VPS13B: variants seen among roughly 807,000 people sequenced by gnomAD.
The protein encoded by VPS13B is intermembrane lipid transfer protein VPS13B.
Under a neutral mutation model 426.4 loss-of-function variants are expected in VPS13B, and 285 were observed. The observed-to-expected ratio is 0.67, with a 90% confidence interval of 0.61 to 0.74. The LOEUF (loss-of-function observed/expected upper bound fraction) is 0.74, where lower values mean the gene tolerates loss of function less well. Among genes scored for constraint, VPS13B ranks in the 30% least tolerant of loss-of-function variants. The probability of loss-of-function intolerance (pLI) is 0.00; values close to 1 mark genes in which losing one functional copy is unlikely to be tolerated. For synonymous variants in VPS13B, 1,676 were observed against 1,676.4 expected (o/e 1.00, Z 0.01); for missense variants, 4,537 against 4,782.6 (o/e 0.95, Z 1.51).
intron 17 of VPS13B, among the ~76,000 whole-genome samples, chr8:99,203,786 G>A (rs1814503971): frequency 6.6e-6 from 1 of 152,096 alleles, no homozygotes; most frequent in South Asian, 2.1e-4. Flanking sequence ...AAAATACCTA[G>A]GAATCCAACT....
chr8:99,776,224 G>A (rs571226264), intron 40 of VPS13B, among the ~76,000 whole-genome samples: 86 of 152,290 alleles, frequency 5.6e-4, no homozygotes, highest in African/African-American at 1.9e-3. Context: ...CAAATGGCCC[G>A]TAAGTTTTGT....
Position 99,025,806 on chromosome 8 carries a change from T to C in VPS13B, c.147+11871T>C, listed in dbSNP as rs1012028801. Reference sequence around the variant, plus strand: ...TTGGTAGATTATATGTGTCCGGGAATTTATTTGTGTTCTCTAGGTATACTA... The same window carrying C: ...TTGGTAGATTATATGTGTCCGGGAACTTATTTGTGTTCTCTAGGTATACTA... On this transcript the variant is annotated intron_variant, in intron 2 of 61. Coordinates refer to ENST00000357162, the MANE Select transcript of VPS13B (RefSeq NM_152564.5). Among the ~76,000 whole-genome samples the C allele has an allele frequency of 5.3e-5, 8 of 152,184 alleles. No homozygotes were observed. The East Asian group carries it at 1.5e-3, about 29-fold the overall frequency.
At chr8:99,790,288 A>G (rs1160302865) in intron 43 of VPS13B, among the ~76,000 whole-genome samples, 1 of 152,162 alleles carries the variant, frequency 6.6e-6, no homozygotes, top group Non-Finnish European at 1.5e-5. Context: ...TTATTAAATA[A>G]TATCCAAATT....
intron 16 of VPS13B, among the ~76,000 whole-genome samples, chr8:99,191,376 C>CTTTTTTTTT (rs35215814): frequency 7.0e-5 from 5 of 70,950 alleles, no homozygotes; most frequent in Non-Finnish European, 1.3e-4. Context: ...CTCTCTCTCT[C>CTTTTTTTTT]TTTTTTTTTT....
intron 29 of VPS13B, 68 bp downstream of exon 29, chr8:99,511,580 T>C (rs533608381): frequency 6.6e-7 from 1 of 1,504,402 alleles, no homozygotes; most frequent in Non-Finnish European, 9.0e-7. Context: ...GTTTTCTGGG[T>C]TTTTTTGTTT....
intron 20 of VPS13B, among the ~76,000 whole-genome samples, chr8:99,390,623 C>G (rs1282090187): frequency 6.6e-6 from 1 of 152,086 alleles, no homozygotes; most frequent in Non-Finnish European, 1.5e-5. Context: ...TGAAGATAAC[C>G]TTAGACTACA....
intron 5 of VPS13B, among the ~76,000 whole-genome samples, chr8:99,104,867 C>T (rs1214541803): frequency 1.3e-5 from 2 of 152,156 alleles, no homozygotes; most frequent in Admixed American, 6.5e-5. Context: ...TTAAGTGATC[C>T]ACCCACCTTG....
intron 3 of VPS13B, among the ~76,000 whole-genome samples, chr8:99,079,350 GAC>G (rs1845316067): frequency 6.6e-6 from 1 of 152,096 alleles, no homozygotes; most frequent in East Asian, 1.9e-4. Flanking sequence ...GCCTCCAGAT[GAC>G]ACCTGTGGCT....
intron 23 of VPS13B, among the ~76,000 whole-genome samples, chr8:99,459,168 C>A (rs529202838): frequency 6.6e-6 from 1 of 152,048 alleles, no homozygotes; most frequent in African/African-American, 2.4e-5. Context: ...GAGATTGTTG[C>A]GTAGGCACTT....
chr8:99,391,449 C>G (rs941343808), intron 20 of VPS13B, 108 bp from the exon 21 acceptor site: 1 of 1,552,814 alleles, frequency 6.4e-7, no homozygotes, highest in South Asian at 1.1e-5. Flanking sequence ...GAAGTCTCAG[C>G]CCCAACTTGT....
chr8:99,206,144 T>C (rs1814706133), intron 17 of VPS13B, among the ~76,000 whole-genome samples: 1 of 152,194 alleles, frequency 6.6e-6, no homozygotes, highest in Non-Finnish European at 1.5e-5. Context: ...TTGGTTTTGC[T>C]CTGGAAAACA....
At position 99,501,685 on chromosome 8, in the gene VPS13B, A is replaced by C. The variant is rs1563763999; in HGVS notation, c.3871-2A>C. 6 of 1,613,656 alleles carry C rather than the reference A, an allele frequency of 3.7e-6. No individual in the cohort carries two copies. Among genetic ancestry groups the C allele is most frequent in the Non-Finnish European group, 5.1e-6 (6 of 1,179,918 alleles). On this transcript the variant is annotated splice_acceptor_variant, in intron 25 of 61. Transcript: ENST00000357162. LOFTEE classifies it high-confidence loss of function. ...TAAGATTTTTTTTTCTCCTCATCCC[A>C]GGGAGATTCTATACAAGCAGGTGAG...
At chr8:99,710,907 AGGCAAGGGAATT>A (rs907707758) in intron 36 of VPS13B, among the ~76,000 whole-genome samples, 1 of 151,304 alleles carries the variant, frequency 6.6e-6, no homozygotes, top group Non-Finnish European at 1.5e-5. Flanking sequence ...TGGGAGGCTG[AGGCAAGGGAATT>A]GCTTGAACCA....
At position 99,556,570 on chromosome 8, in the gene VPS13B, G is replaced by A. The variant is rs779914034; in HGVS notation, c.4866G>A (p.Glu1622=). Residue 1622 remains glutamate (E), a synonymous_variant, in exon 31 of 62, where the codon GAG becomes GAA. Transcript: ENST00000357162. ...GTAQWHQLKP[E]KESVSGGVVT... ...CACAGTGGCATCAACTAAAACCAGAGAAGGAAAGTGTCTCAGGAGGGGTGG... is the reference window on the plus strand; with the variant it reads ...CACAGTGGCATCAACTAAAACCAGAAAAGGAAAGTGTCTCAGGAGGGGTGG... 2 of 1,613,236 alleles carry A rather than the reference G, an allele frequency of 1.2e-6. No homozygotes were observed. The highest frequency in any genetic ancestry group is 3.3e-5 in the Admixed American group (2 of 59,888).
At chr8:99,052,900 C>T (rs891656415) in intron 3 of VPS13B, among the ~76,000 whole-genome samples, 19 of 151,828 alleles carry the variant, frequency 1.3e-4, no homozygotes, top group Non-Finnish European at 2.6e-4. Flanking sequence ...TATTTTATTG[C>T]GTCTATTTGA....
chr8:99,747,309 T>C (rs1259724187), intron 39 of VPS13B, among the ~76,000 whole-genome samples: 11 of 152,212 alleles, frequency 7.2e-5, no homozygotes, highest in African/African-American at 2.6e-4. Flanking sequence ...AGTTTTAATT[T>C]TGGCTTTTAA....
chr8:99,728,512 C>G (rs1166405247), intron 39 of VPS13B, among the ~76,000 whole-genome samples: 1 of 152,112 alleles, frequency 6.6e-6, no homozygotes, highest in Non-Finnish European at 1.5e-5. Context: ...ATCAATTGAT[C>G]AAAGAATCTG....
intron 35 of VPS13B, among the ~76,000 whole-genome samples, chr8:99,665,575 A>G (rs1332708447): frequency 6.6e-6 from 1 of 152,214 alleles, no homozygotes; most frequent in African/African-American, 2.4e-5. Context: ...TTAAATAGGG[A>G]ATCCTTTCCC....
chr8:99,832,801 G>C, intron 52 of VPS13B, 149 bp downstream of exon 52: 1 of 824,352 alleles, frequency 1.2e-6, no homozygotes, highest in East Asian at 2.7e-5. Context: ...GTATACAGTG[G>C]GTCAAGTGTT....
Sources: gnomAD v4.1 joint callset for allele counts (sites outside exome capture counted in the v4.1 genomes callset) on GRCh38, gnomAD v4.1.1 for gene constraint, MANE v1.5 for transcripts, NCBI Gene and HGNC (gene_info 2026-07-23, HGNC 2026-07-21) for gene names.